The following FAM168A variants were observed in gnomAD, a reference collection of about 807,000 sequenced individuals.
FAM168A encodes protein FAM168A.
In FAM168A, 3 loss-of-function variants were observed where a neutral mutation model predicts 28.5. That is an observed-to-expected ratio of 0.11 (90% CI 0.05 to 0.27). The LOEUF (loss-of-function observed/expected upper bound fraction) is 0.27, where lower values mean the gene tolerates loss of function less well. Among genes scored for constraint, FAM168A ranks in the 10% least tolerant of loss-of-function variants. FAM168A has a pLI of 1.00. For missense variants in FAM168A, 222 were observed against 311.5 expected, an observed-to-expected ratio of 0.71 and a Z score of 2.16; for synonymous variants, 122 against 124.2, an observed-to-expected ratio of 0.98 and a Z score of 0.12.
intron 1 of FAM168A, among the ~76,000 whole-genome samples, chr11:73,469,436 A>G (rs1166010810): frequency 2.0e-5 from 3 of 152,228 alleles, no homozygotes; most frequent in African/African-American, 7.2e-5. Context: ...CTCTTGTATC[A>G]CTTCAAAATA....
Position 73,403,789 on chromosome 11 carries a change from C to CT in FAM168A, c.*2973dup, listed in dbSNP as rs1304577683. On this transcript the variant is annotated 3_prime_UTR_variant, in exon 8 of 8. Coordinates refer to ENST00000356467, the MANE Select transcript of FAM168A (RefSeq NM_015159.3). Reference sequence around the variant, plus strand: ...CAGCAAGAGGCTGAGGCCGGCTGAACTGGGGCTCATACTGAAAAAGGGGTG... The same window carrying CT: ...CAGCAAGAGGCTGAGGCCGGCTGAACTTGGGGCTCATACTGAAAAAGGGGTG... The CT allele has an allele frequency of 7.2e-5, 11 of 152,244 alleles. No homozygotes were observed. Among genetic ancestry groups the CT allele is most frequent in the African/African-American group, 2.7e-4 (11 of 41,458 alleles). The allele number at this position is 152,244 out of a possible 1,614,324, so 9.4% of individuals were successfully genotyped here.
At chr11:73,562,630 C>T (rs1943972889) in intron 1 of FAM168A, among the ~76,000 whole-genome samples, 1 of 152,084 alleles carries the variant, frequency 6.6e-6, no homozygotes, top group Non-Finnish European at 1.5e-5. Context: ...AGATCAAGAT[C>T]AACCTGGCCA....
intron 3 of FAM168A, among the ~76,000 whole-genome samples, chr11:73,429,369 T>C (rs1866944152): frequency 6.6e-6 from 1 of 152,246 alleles, no homozygotes; most frequent in East Asian, 1.9e-4. Flanking sequence ...AAGGTTGAAC[T>C]GGACGATCTC....
chr11:73,422,743 GTA>G (rs1215036034), intron 3 of FAM168A, among the ~76,000 whole-genome samples: 1 of 152,194 alleles, frequency 6.6e-6, no homozygotes, highest in Non-Finnish European at 1.5e-5. Context: ...ACACTTAAGT[GTA>G]CTTTATATAC....
Position 73,404,063 on chromosome 11 carries a change from AGG to A in FAM168A, c.*2698_*2699del. On this transcript the variant is annotated 3_prime_UTR_variant, in exon 8 of 8. Transcript: ENST00000356467. ...GCCTTGATTTCCTTATGGATCAAAT[AGG>A]AGAAATAACCTCTATTTCATCGGGT... The A allele has an allele frequency of 6.6e-6, 1 of 152,372 alleles. No homozygotes were observed. The allele number at this position is 152,372 out of a possible 1,614,324, so 9.4% of individuals were successfully genotyped here. A position where few individuals can be genotyped will look rare whatever the true frequency, so the allele number is the denominator to read the frequency against.
Position 73,401,217 on chromosome 11 carries a change from C to T in FAM168A, c.*5546G>A, listed in dbSNP as rs563046792. ...AAAAAATACAAAATCATATACAACGCTCTCTTCACAGGGATGTTACATGCC... is the reference window on the plus strand; with the variant it reads ...AAAAAATACAAAATCATATACAACGTTCTCTTCACAGGGATGTTACATGCC... On this transcript the variant is annotated 3_prime_UTR_variant, in exon 8 of 8. Transcript: ENST00000356467. The T allele has an allele frequency of 6.6e-6, 1 of 152,208 alleles. No individual in the cohort carries two copies. Among genetic ancestry groups the T allele is most frequent in the Admixed American group, 6.5e-5 (1 of 15,286 alleles). The allele number at this position is 152,208 out of a possible 1,614,324, so 9.4% of individuals were successfully genotyped here. A position where few individuals can be genotyped will look rare whatever the true frequency, so the allele number is the denominator to read the frequency against.
intron 1 of FAM168A, among the ~76,000 whole-genome samples, chr11:73,538,839 C>T (rs567844601): frequency 1.3e-5 from 2 of 152,298 alleles, no homozygotes; most frequent in East Asian, 3.9e-4. Context: ...GGGGCTGAGG[C>T]AAAGACTCAG....
At chr11:73,471,582 A>G (rs984103514) in intron 1 of FAM168A, among the ~76,000 whole-genome samples, 1 of 152,010 alleles carries the variant, frequency 6.6e-6, no homozygotes, top group African/African-American at 2.4e-5. Flanking sequence ...TAAAATCCAA[A>G]CTCTTTCACA....
intron 1 of FAM168A, among the ~76,000 whole-genome samples, chr11:73,570,321 A>G (rs1004929958): frequency 1.3e-5 from 2 of 152,174 alleles, no homozygotes; most frequent in Non-Finnish European, 2.9e-5. Flanking sequence ...GGCATAAAAC[A>G]CAGTGTTAGC....
intron 1 of FAM168A, among the ~76,000 whole-genome samples, chr11:73,585,492 A>G (rs1944302071): frequency 6.6e-6 from 1 of 152,236 alleles, no homozygotes; most frequent in Non-Finnish European, 1.5e-5. Flanking sequence ...ATAATTAACA[A>G]TCTAGGGAAA....
intron 1 of FAM168A, among the ~76,000 whole-genome samples, chr11:73,571,546 T>G (rs1028746746): frequency 9.9e-5 from 15 of 152,042 alleles, no homozygotes; most frequent in Non-Finnish European, 1.5e-5. Flanking sequence ...GTTCACTCAG[T>G]GCTCAATGGT....
intron 1 of FAM168A, among the ~76,000 whole-genome samples, chr11:73,553,642 A>G (rs1200704835): frequency 1.3e-5 from 2 of 152,128 alleles, no homozygotes; most frequent in Admixed American, 1.3e-4. Flanking sequence ...TAGTCCCTGC[A>G]ATGATCTAGG....
rs139523303 is a variant in FAM168A, at chr11:73,584,757, G to A, written c.-19+13166C>T. On this transcript the variant is annotated intron_variant, in intron 1 of 7. Transcript: ENST00000356467. ...CTCCCAAAGTGCTGGGATTACACGC[G>A]TGAGCCACCATGCCCAGTCCACTGA... Among the ~76,000 whole-genome samples the A allele has an allele frequency of 9.8e-3, 1,494 of 152,178 alleles. 29 individuals are homozygous for A. Among genetic ancestry groups the A allele is most frequent in the African/African-American group, 0.034 (1,392 of 41,490 alleles).
chr11:73,408,831 A>G (rs1483216604), intron 6 of FAM168A, among the ~76,000 whole-genome samples: 1 of 151,008 alleles, frequency 6.6e-6, no homozygotes, highest in East Asian at 1.9e-4. Context: ...TGCTTTTGTC[A>G]TCCCTCATAA....
At chr11:73,483,241 T>C (rs1867991959) in intron 1 of FAM168A, among the ~76,000 whole-genome samples, 1 of 152,220 alleles carries the variant, frequency 6.6e-6, no homozygotes, top group Admixed American at 6.5e-5. Context: ...AACATCCTCA[T>C]CACATGCAAC....
chr11:73,408,534 T>C (rs61896585), intron 6 of FAM168A, among the ~76,000 whole-genome samples: 3,796 of 152,272 alleles, frequency 0.025, 100 homozygotes, highest in Non-Finnish European at 0.038. Context: ...TACCCCAGTA[T>C]TTGGGAGTCT....
At chr11:73,530,349 T>C (rs542941241) in intron 1 of FAM168A, among the ~76,000 whole-genome samples, 1 of 152,344 alleles carries the variant, frequency 6.6e-6, no homozygotes, top group East Asian at 1.9e-4. Flanking sequence ...GGCTATTAGG[T>C]TCTGCCGATA....
intron 1 of FAM168A, among the ~76,000 whole-genome samples, chr11:73,511,996 T>C (rs1311258153): frequency 2.0e-5 from 3 of 152,202 alleles, no homozygotes; most frequent in Non-Finnish European, 2.9e-5. Context: ...TGTCATGAGA[T>C]TGCGAACAGC....
At chr11:73,571,361 TCA>T (rs1245204167) in intron 1 of FAM168A, among the ~76,000 whole-genome samples, 12,295 of 151,430 alleles carry the variant, frequency 0.081, 711 homozygotes, top group Admixed American at 0.16. Context: ...TTCCCCTGCC[TCA>T]GCCTGCCGAG....
Sources: allele counts gnomAD v4.1 joint callset (sites outside exome capture counted in the v4.1 genomes callset), GRCh38; gene constraint gnomAD v4.1.1; transcripts MANE v1.5; gene names NCBI Gene and HGNC (gene_info 2026-07-23, HGNC 2026-07-21).